The following EDIL3 variants were observed in gnomAD, a reference collection of about 807,000 sequenced individuals.
The protein encoded by EDIL3 is EGF-like repeat and discoidin I-like domain-containing protein 3.
In EDIL3, 37 loss-of-function variants were observed where a neutral mutation model predicts 67.4. The ratio of observed to expected loss-of-function variants is 0.55; its 90% confidence interval spans 0.42 to 0.72. The LOEUF (loss-of-function observed/expected upper bound fraction) is 0.72. Among genes scored for constraint, EDIL3 ranks in the 30% least tolerant of loss-of-function variants. The pLI, the probability that EDIL3 is intolerant of heterozygous loss-of-function variation, is 0.00. For synonymous variants in EDIL3, 195 were observed against 196.3 expected (o/e 0.99, Z 0.05); for missense variants, 527 against 586.3 (o/e 0.90, Z 1.04).
chr5:84,170,735 T>C (rs966131586), intron 4 of EDIL3, among the ~76,000 whole-genome samples: 13 of 152,268 alleles, frequency 8.5e-5, no homozygotes, highest in African/African-American at 3.1e-4. Context: ...ATACTATTTC[T>C]ATTTCTGGGA....
chr5:83,944,453 A>G (rs1265317937), intron 10 of EDIL3, among the ~76,000 whole-genome samples: 1 of 150,306 alleles, frequency 6.7e-6, no homozygotes. Context: ...CTCTTCCCCA[A>G]AAGACTTTCA....
intron 5 of EDIL3, among the ~76,000 whole-genome samples, chr5:84,117,429 T>C (rs571920029): frequency 1.6e-4 from 24 of 152,314 alleles, no homozygotes; most frequent in Admixed American, 3.3e-4. Flanking sequence ...AATCTTTAGC[T>C]GCTGAAATGG....
Position 84,103,973 on chromosome 5 carries a change from C to T in EDIL3, c.651+2676G>A, listed in dbSNP as rs572154483. Reference sequence around the variant, plus strand: ...CAAAGACATGGAATCAACCGAAATGCCAATCAATTGTAGACTGGGTAAAGA... The same window carrying T: ...CAAAGACATGGAATCAACCGAAATGTCAATCAATTGTAGACTGGGTAAAGA... On this transcript the variant is annotated intron_variant, in intron 6 of 10. Coordinates refer to ENST00000296591, the MANE Select transcript of EDIL3 (RefSeq NM_005711.5). 2.8e-4 allele frequency among the ~76,000 whole-genome samples: 42 copies of T among 152,098 alleles called. No homozygotes were observed. In the South Asian group the frequency reaches 8.7e-3, roughly 32 times the overall value.
intron 9 of EDIL3, among the ~76,000 whole-genome samples, chr5:83,976,519 A>C (rs925057580): frequency 5.3e-5 from 8 of 151,856 alleles, no homozygotes; most frequent in African/African-American, 1.9e-4. Context: ...AACTTTCCCT[A>C]ATCTATTTAT....
intron 1 of EDIL3, among the ~76,000 whole-genome samples, chr5:84,292,330 G>T (rs1404258872): frequency 6.6e-6 from 1 of 151,992 alleles, no homozygotes; most frequent in East Asian, 1.9e-4. Context: ...AAATTTAGAG[G>T]TTGTTTTCTG....
At chr5:84,128,397 A>G (rs148267494) in intron 5 of EDIL3, among the ~76,000 whole-genome samples, 3 of 152,060 alleles carry the variant, frequency 2.0e-5, no homozygotes, top group African/African-American at 4.8e-5. Context: ...GAAATAACCA[A>G]TTGAACCTCA....
chr5:84,175,619 G>A (rs1748888729), intron 4 of EDIL3, among the ~76,000 whole-genome samples: 1 of 152,160 alleles, frequency 6.6e-6, no homozygotes, highest in African/African-American at 2.4e-5. Flanking sequence ...TGAATTACTG[G>A]ATGAGAAACC....
chr5:84,383,637 A>C (rs1164659813), intron 1 of EDIL3, among the ~76,000 whole-genome samples: 1 of 152,084 alleles, frequency 6.6e-6, no homozygotes, highest in East Asian at 1.9e-4. Context: ...GTGCGCAGCT[A>C]AGCTCCAGGC....
At chr5:84,345,103 A>G (rs2112181907) in intron 1 of EDIL3, among the ~76,000 whole-genome samples, 1 of 152,242 alleles carries the variant, frequency 6.6e-6, no homozygotes, top group South Asian at 2.1e-4. Flanking sequence ...ACATAATTCT[A>G]CAAACTCTAC....
intron 1 of EDIL3, among the ~76,000 whole-genome samples, chr5:84,357,282 T>C (rs1332112853): frequency 6.6e-6 from 1 of 152,118 alleles, no homozygotes; most frequent in Non-Finnish European, 1.5e-5. Context: ...ACAATTTCCA[T>C]TTCCTTAATT....
intron 9 of EDIL3, among the ~76,000 whole-genome samples, chr5:83,968,827 C>A (rs1434524705): frequency 6.6e-6 from 1 of 151,838 alleles, no homozygotes; most frequent in Non-Finnish European, 1.5e-5. Context: ...ACGTTTTTCA[C>A]TGAGAATGGG....
At chr5:84,379,148 A>T (rs1349027006) in intron 1 of EDIL3, among the ~76,000 whole-genome samples, 1 of 152,262 alleles carries the variant, frequency 6.6e-6, no homozygotes, top group East Asian at 1.9e-4. Context: ...GTGACTGTAT[A>T]AAAAAGCTCC....
rs771401941 is a variant in EDIL3 at position 83,943,401 on chromosome 5, G to A, written c.*18C>T. 6.2e-7 allele frequency: 1 copy of A among 1,611,368 alleles called. No homozygotes were observed. Among genetic ancestry groups the A allele is most frequent in the African/African-American group, 1.3e-5 (1 of 74,772 alleles). On this transcript the variant is annotated 3_prime_UTR_variant, in exon 11 of 11. Transcript: ENST00000296591. The stretch of plus-strand genomic sequence containing the variant: ...TTTTAGGGAAATAGGGAAGAGGGTT[G>A]TGAAATGTAGCCTCCCCTCATTCCT...
At chr5:84,070,329 T>G (rs545484075) in intron 6 of EDIL3, among the ~76,000 whole-genome samples, 16 of 152,238 alleles carry the variant, frequency 1.1e-4, no homozygotes, top group Middle Eastern at 3.4e-3. Context: ...AAGAGCACAC[T>G]GTAACATGCC....
In EDIL3 at chr5:84,094,897, A is replaced by C. The variant is rs542229813; in HGVS notation, c.651+11752T>G. Among the ~76,000 whole-genome samples, 12 of 152,348 alleles carry C rather than the reference A, an allele frequency of 7.9e-5. No homozygotes were observed. In the East Asian group the frequency reaches 2.1e-3, roughly 27 times the overall value. On this transcript the variant is annotated intron_variant, in intron 6 of 10. Transcript: ENST00000296591. ...ATTTAGAAACATTAACTGTTTCATGACTGATGGATAATGCTTACTTGTGAG... is the reference window on the plus strand; with the variant it reads ...ATTTAGAAACATTAACTGTTTCATGCCTGATGGATAATGCTTACTTGTGAG...
chr5:84,123,084 T>C (rs1747808380), intron 5 of EDIL3, among the ~76,000 whole-genome samples: 1 of 151,906 alleles, frequency 6.6e-6, no homozygotes, highest in Admixed American at 6.6e-5. Context: ...TTAATAACTA[T>C]TTTCACATTT....
intron 1 of EDIL3, among the ~76,000 whole-genome samples, chr5:84,358,488 G>A (rs1331691987): frequency 2.7e-5 from 4 of 148,650 alleles, no homozygotes; most frequent in African/African-American, 4.9e-5. Flanking sequence ...TTTGGAAGGA[G>A]TAAAACATCT....
At chr5:84,133,459 A>C (rs1172426223) in intron 5 of EDIL3, among the ~76,000 whole-genome samples, 2 of 130,062 alleles carry the variant, frequency 1.5e-5, no homozygotes, top group Non-Finnish European at 3.2e-5. Flanking sequence ...TCTCTACTAA[A>C]AATACAAAAA....
chr5:84,218,438 C>A (rs113892578), intron 3 of EDIL3, among the ~76,000 whole-genome samples: 2 of 152,192 alleles, frequency 1.3e-5, no homozygotes, highest in African/African-American at 4.8e-5. Context: ...AAGAAAGGAT[C>A]AGGGATGGAG....
Sources: allele counts gnomAD v4.1 joint callset (sites outside exome capture counted in the v4.1 genomes callset), GRCh38; gene constraint gnomAD v4.1.1; transcripts MANE v1.5; gene names NCBI Gene and HGNC (gene_info 2026-07-23, HGNC 2026-07-21).